Variants in SPI1 observed in about 807,000 individuals in gnomAD.
SPI1 encodes transcription factor PU.1.
SPI1 carries 3 observed loss-of-function variants against 30.7 expected under a neutral mutation model. That is an observed-to-expected ratio of 0.10 (90% CI 0.04 to 0.25). The LOEUF (loss-of-function observed/expected upper bound fraction) is 0.25. Among genes scored for constraint, SPI1 ranks in the 10% least tolerant of loss-of-function variants. The pLI is 1.00. For synonymous variants in SPI1, 169 were observed against 157.1 expected (o/e 1.08, Z -0.56); for missense variants, 261 against 371.5 (o/e 0.70, Z 2.45).
At chr11:47,373,656 A>G (rs936834645) in intron 2 of SPI1, among the ~76,000 whole-genome samples, 3 of 152,018 alleles carry the variant, frequency 2.0e-5, no homozygotes, top group Admixed American at 1.3e-4. Flanking sequence ...AAAAAAAAAA[A>G]AAAAAGAAAA....
intron 2 of SPI1, among the ~76,000 whole-genome samples, chr11:47,362,591 T>TC (rs2095922433): frequency 7.1e-6 from 1 of 141,330 alleles, no homozygotes; most frequent in Non-Finnish European, 1.6e-5. Flanking sequence ...TTTTTTTTTT[T>TC]CTCTGAGATG....
Position 47,364,058 on chromosome 11 carries a change from CT to C in SPI1, c.143-4019del, listed in dbSNP as rs374949266. Among the ~76,000 whole-genome samples, 1,138 of 136,692 alleles carry C rather than the reference CT, an allele frequency of 8.3e-3. 14 individuals are homozygous for C. Among genetic ancestry groups the C allele is most frequent in the African/African-American group, 0.027 (1,003 of 37,694 alleles). 89.7% of individuals were successfully genotyped at this position (136,692 alleles called of 152,430 possible). Reference sequence around the variant, plus strand: ...CAAAACAAAACTTAATTTGCATTTTCTTTTTTTTTTGAGATGGAGTCTGGCT... The same window carrying C: ...CAAAACAAAACTTAATTTGCATTTTCTTTTTTTTTGAGATGGAGTCTGGCT... On this transcript the variant is annotated intron_variant, in intron 2 of 4. Transcript: ENST00000378538.
At position 47,356,207 on chromosome 11, in the gene SPI1, TCACA is replaced by T. The variant is rs553122407; in HGVS notation, c.494-665_494-662del. Among the ~76,000 whole-genome samples the T allele has an allele frequency of 1.2e-4, 18 of 148,050 alleles. No homozygotes were observed. In the South Asian group the frequency reaches 2.1e-3, roughly 18 times the overall value. ...ACCCACACAATGCACCAGCTCACAC[TCACA>T]CACATGCTCACACACTCATTCACTA... On this transcript the variant is annotated intron_variant, in intron 4 of 4. Coordinates refer to ENST00000378538, the MANE Select transcript of SPI1 (RefSeq NM_003120.3).
intron 2 of SPI1, among the ~76,000 whole-genome samples, chr11:47,360,682 T>C (rs1239552917): frequency 1.3e-5 from 2 of 151,228 alleles, no homozygotes; most frequent in African/African-American, 2.4e-5. Context: ...AAATATTAGC[T>C]GGGCGTGGTG....
intron 2 of SPI1, among the ~76,000 whole-genome samples, chr11:47,363,486 A>C (rs565985082): frequency 2.0e-5 from 3 of 151,716 alleles, no homozygotes; most frequent in Admixed American, 1.3e-4. Context: ...ACACCACTGC[A>C]CTCCAGCCTG....
At chr11:47,358,721 A>G in intron 4 of SPI1, 123 bp downstream of exon 4, 1 of 971,948 alleles carries the variant, frequency 1.0e-6, no homozygotes, top group Non-Finnish European at 1.6e-6. Context: ...ACACTGGCAA[A>G]CATGCACACA....
intron 2 of SPI1, among the ~76,000 whole-genome samples, chr11:47,371,684 A>G (rs2095936233): frequency 6.7e-6 from 1 of 149,038 alleles, no homozygotes; most frequent in Admixed American, 6.7e-5. Flanking sequence ...AAAAAAAAAG[A>G]TTGTAAATGT....
chr11:47,374,906 A>C lies in SPI1; in HGVS notation c.142+727T>G, dbSNP rs1433987149. Among the ~76,000 whole-genome samples, 1 of 152,204 alleles carries C rather than the reference A, an allele frequency of 6.6e-6. No individual in the cohort carries two copies. Among genetic ancestry groups the C allele is most frequent in the Non-Finnish European group, 1.5e-5 (1 of 68,042 alleles). ...CAGGCCTCTTCCTCCCACTTCAGCA[A>C]ACTGGGGGCCTCGGCCTCTGCTGAA... On this transcript the variant is annotated intron_variant, in intron 2 of 4. Coordinates refer to ENST00000378538, the MANE Select transcript of SPI1 (RefSeq NM_003120.3). This position sits in a 1 kb window ranked among gnomAD's most constrained non-coding sequence, Gnocchi z 4.5.
chr11:47,355,637 G>A (rs2095907013), intron 4 of SPI1, 91 bp from the exon 5 acceptor site: 2 of 1,182,446 alleles, frequency 1.7e-6, no homozygotes. Flanking sequence ...CCCGGGGACG[G>A]GGTGGCCGGG....
At chr11:47,356,966 A>C (rs2095911348) in intron 4 of SPI1, among the ~76,000 whole-genome samples, 1 of 135,272 alleles carries the variant, frequency 7.4e-6, no homozygotes, top group Non-Finnish European at 1.7e-5. Context: ...ACACATGCTC[A>C]CGTCTGCTCA....
At chr11:47,357,457 A>G (rs567873985) in intron 4 of SPI1, among the ~76,000 whole-genome samples, 1 of 151,530 alleles carries the variant, frequency 6.6e-6, no homozygotes, top group East Asian at 2.0e-4. Flanking sequence ...AACCACTCAG[A>G]CACCTACTTG....
intron 2 of SPI1, among the ~76,000 whole-genome samples, chr11:47,366,861 TCAGAGAA>T (rs1480096052): frequency 3.1e-5 from 4 of 129,962 alleles, no homozygotes; most frequent in Non-Finnish European, 6.5e-5. Flanking sequence ...AGAAACAGGC[TCAGAGAA>T]CAGAGAACTG....
At chr11:47,369,473 C>A (rs2095932700) in intron 2 of SPI1, among the ~76,000 whole-genome samples, 1 of 148,868 alleles carries the variant, frequency 6.7e-6, no homozygotes, top group Non-Finnish European at 1.5e-5. Flanking sequence ...CCAGAGTGAC[C>A]TTTTAAAAAG....
intron 4 of SPI1, among the ~76,000 whole-genome samples, chr11:47,357,395 T>C (rs1422547987): frequency 1.3e-5 from 2 of 151,960 alleles, no homozygotes; most frequent in Non-Finnish European, 2.9e-5. Context: ...CGCATGCACA[T>C]ACATTCTGCT....
chr11:47,356,756 C>T (rs565323543), intron 4 of SPI1, among the ~76,000 whole-genome samples: 4 of 151,708 alleles, frequency 2.6e-5, no homozygotes, highest in East Asian at 1.9e-4. Context: ...CACACATATC[C>T]ACTCACATAT....
rs2095945241 is a variant in SPI1 at position 47,378,379 on chromosome 11, T to G, written c.-26A>C. The G allele has an allele frequency of 6.2e-7, 1 of 1,607,746 alleles. No homozygotes were observed. Among genetic ancestry groups the G allele is most frequent in the Admixed American group, 1.7e-5 (1 of 59,168 alleles). ...CCAGCCGGGCTCCGAGTCGGTCAGA[T>G]CCCCTGCCTCGGTGGGGGCCAATGC... On this transcript the variant is annotated 5_prime_UTR_variant, in exon 1 of 5. Coordinates refer to ENST00000378538, the MANE Select transcript of SPI1 (RefSeq NM_003120.3).
chr11:47,372,551 G>C (rs926724739), intron 2 of SPI1, among the ~76,000 whole-genome samples: 5 of 152,260 alleles, frequency 3.3e-5, no homozygotes, highest in African/African-American at 1.2e-4. Flanking sequence ...GGATCAGATG[G>C]GAAGCGGCTG....
intron 1 of SPI1, among the ~76,000 whole-genome samples, chr11:47,376,601 C>T (rs967538932): frequency 2.0e-5 from 3 of 151,560 alleles, no homozygotes; most frequent in African/African-American, 7.3e-5. Flanking sequence ...CCTCCTCACT[C>T]CCCTCTGTCC....
In SPI1 at chr11:47,359,123, C is replaced by G. The variant is rs1222194353; in HGVS notation, c.331-117G>C. ...GCAGAGGGCAGGGGACAATGGCAGG[C>G]ACAGGAGACTGGAGGAAGAAGACCA... is the stretch of plus-strand genomic sequence containing the variant. On this transcript the variant is annotated intron_variant, in intron 3 of 4. Coordinates refer to ENST00000378538, the MANE Select transcript of SPI1 (RefSeq NM_003120.3). The surrounding 1 kb of genome is among the most constrained non-coding windows in gnomAD (Gnocchi z 5.1). 5.9e-6 allele frequency: 5 copies of G among 844,234 alleles called. No individual in the cohort carries two copies. In the Admixed American group the frequency reaches 1.7e-4, roughly 29 times the overall value. The allele number at this position is 844,234 out of a possible 1,614,324, so 52.3% of individuals were successfully genotyped here.
Sources: gnomAD v4.1 joint callset for allele counts (sites outside exome capture counted in the v4.1 genomes callset) on GRCh38, gnomAD v4.1.1 for gene constraint, Gnocchi (gnomAD v3.1) non-coding constraint, MANE v1.5 for transcripts, NCBI Gene and HGNC (gene_info 2026-07-23, HGNC 2026-07-21) for gene names.